The following TRUB2 variants were observed in gnomAD, a reference collection of about 807,000 sequenced individuals.
TRUB2 encodes TruB pseudouridine synthase family member 2.
TRUB2 carries 31 observed loss-of-function variants against 31.9 expected under a neutral mutation model. The ratio of observed to expected loss-of-function variants is 0.97; its 90% confidence interval spans 0.73 to 1.31. TRUB2 has a LOEUF of 1.31. Among genes scored for constraint, TRUB2 ranks in the 50% most tolerant of loss-of-function variants. The pLI, the probability that TRUB2 is intolerant of heterozygous loss-of-function variation, is 0.00. For missense variants in TRUB2, 451 were observed against 439.6 expected (o/e 1.03, Z -0.23); for synonymous variants, 201 against 182.6 (o/e 1.10, Z -0.81).
chr9:128,322,337 CT>C lies in TRUB2; in HGVS notation c.71del (p.Lys24SerfsTer12). On this transcript the variant is annotated frameshift_variant, in exon 1 of 8. Transcript: ENST00000372890. LOFTEE classifies it high-confidence loss of function. ...GTAGCTCCACTGTATCCCGCAGGTG[CT>C]TCCATTTTAGCCCCGGGGGCTTATA... is the stretch of plus-strand genomic sequence containing the variant. ...AVYKPPGLKW[K>X]HLRDTVELQL... The C allele has an allele frequency of 6.2e-7, 1 of 1,614,164 alleles. No individual in the cohort carries two copies. Among genetic ancestry groups the C allele is most frequent in the South Asian group, 1.1e-5 (1 of 91,080 alleles).
intron 2 of TRUB2, 135 bp downstream of exon 2, chr9:128,321,464 C>T: frequency 6.8e-7 from 1 of 1,466,770 alleles, no homozygotes; most frequent in Non-Finnish European, 9.2e-7. Context: ...GGAAATCTGC[C>T]AATTCCTGGT....
In TRUB2 at chr9:128,310,988, T is replaced by TA. The variant is rs1279249378; in HGVS notation, c.568dup (p.Tyr190LeufsTer2). On this transcript the variant is annotated frameshift_variant, in exon 7 of 8. Transcript: ENST00000372890. LOFTEE classifies it high-confidence loss of function. ...GATCAGGCCTCTCACGGCCATCTCA[T>TA]AGGCCTCCTGGGTCTTCAGGTCGAG... 1 of 1,614,206 alleles carries TA rather than the reference T, an allele frequency of 6.2e-7. No individual in the cohort carries two copies. The highest frequency in any genetic ancestry group is 8.5e-7 in the Non-Finnish European group (1 of 1,180,028).
chr9:128,322,349 C>A lies in TRUB2; in HGVS notation c.60G>T (p.Gly20=), dbSNP rs11539570. The change falls in exon 1 of 8, where the codon GGG becomes GGT. Residue 20 remains glycine (G), a synonymous_variant. Coordinates refer to ENST00000372890, the MANE Select transcript of TRUB2 (RefSeq NM_015679.3). The part of the protein sequence containing the change: ...HGLFAVYKPP[G]LKWKHLRDTV... The stretch of plus-strand genomic sequence containing the variant: ...TATCCCGCAGGTGCTTCCATTTTAG[C>A]CCCGGGGGCTTATAGACCGCGAAAA... 24,266 of 1,614,160 alleles carry A rather than the reference C, an allele frequency of 0.015. 216 individuals carry two copies. The highest frequency in any genetic ancestry group is 0.021 in the South Asian group (1,883 of 91,076).
intron 2 of TRUB2, among the ~76,000 whole-genome samples, chr9:128,318,513 G>T (rs547921254): frequency 2.9e-4 from 43 of 149,196 alleles, no homozygotes; most frequent in Admixed American, 6.7e-4. Flanking sequence ...TTTTTTTTTT[G>T]TGTGTGTGTG....
At position 128,305,897 on chromosome 9, in the gene TRUB2, T is replaced by C. The variant is rs925331431; in HGVS notation, c.*3653A>G. The C allele has an allele frequency of 2.0e-5, 3 of 152,010 alleles. 1 individual carries two copies. Among genetic ancestry groups the C allele is most frequent in the South Asian group, 4.2e-4 (2 of 4,812 alleles). The allele number at this position is 152,010 out of a possible 1,614,324, so 9.4% of individuals were successfully genotyped here. On this transcript the variant is annotated 3_prime_UTR_variant, in exon 8 of 8. Transcript: ENST00000372890. The stretch of plus-strand genomic sequence containing the variant: ...GTTTTTTGTAGAGACAGGGTCTCCT[T>C]GTGTTGCCCAGGCTGGTCTCAAACT...
Position 128,315,745 on chromosome 9 carries a change from A to G in TRUB2, c.317-117T>C, listed in dbSNP as rs920195237. 253 of 1,205,082 alleles carry G rather than the reference A, an allele frequency of 2.1e-4. 2 individuals carry two copies. The highest frequency in any genetic ancestry group is 2.8e-4 in the Non-Finnish European group (231 of 838,568). The allele number at this position is 1,205,082 out of a possible 1,614,324, so 74.6% of individuals were successfully genotyped here. On this transcript the variant is annotated intron_variant, in intron 3 of 7. Transcript: ENST00000372890. ...TTTTCTGATGCTGCCAAAGGCAACA[A>G]GAAGGCAAAAAGATCTTCTACAGGG... is the stretch of plus-strand genomic sequence containing the variant.
In TRUB2 at chr9:128,314,489, T is replaced by C. The variant is rs2994345; in HGVS notation, c.379-600A>G. On this transcript the variant is annotated intron_variant, in intron 4 of 7. Coordinates refer to ENST00000372890, the MANE Select transcript of TRUB2 (RefSeq NM_015679.3). ...CCATCTGCCACAGATAAGTAATGAT[T>C]GGCTGGATACAGTGACTCACACGTA... Among the ~76,000 whole-genome samples, 670 of 152,152 alleles carry C rather than the reference T, an allele frequency of 4.4e-3. 3 individuals are homozygous for C. Among genetic ancestry groups the C allele is most frequent in the Admixed American group, 6.6e-3 (101 of 15,262 alleles).
Position 128,309,273 on chromosome 9 carries a change from T to C in TRUB2, c.*277A>G, listed in dbSNP as rs1383498149. The C allele has an allele frequency of 2.3e-6, 1 of 429,562 alleles. No homozygotes were observed. Among genetic ancestry groups the C allele is most frequent in the African/African-American group, 2.0e-5 (1 of 50,598 alleles). 26.6% of individuals were successfully genotyped at this position (429,562 alleles called of 1,614,324 possible). On this transcript the variant is annotated 3_prime_UTR_variant, in exon 8 of 8. Coordinates refer to ENST00000372890, the MANE Select transcript of TRUB2 (RefSeq NM_015679.3). ...AACTCCTGGGCTCAAGCAATTCTCCTGCCTCAGCCTTGGGAGTAGCTGGGA... is the reference window on the plus strand; with the variant it reads ...AACTCCTGGGCTCAAGCAATTCTCCCGCCTCAGCCTTGGGAGTAGCTGGGA...
chr9:128,321,750 A>G lies in TRUB2; in HGVS notation c.110-20T>C, dbSNP rs1323039950. 1.2e-6 allele frequency: 2 copies of G among 1,608,438 alleles called. No individual in the cohort carries two copies. The highest frequency in any genetic ancestry group is 1.7e-6 in the Non-Finnish European group (2 of 1,177,404). ...TGAGACCTGAACACACAGAGATAATATATACACACATACATACAAATATAT... is the reference window on the plus strand; with the variant it reads ...TGAGACCTGAACACACAGAGATAATGTATACACACATACATACAAATATAT... On this transcript the variant is annotated intron_variant, in intron 1 of 7. Coordinates refer to ENST00000372890, the MANE Select transcript of TRUB2 (RefSeq NM_015679.3).
intron 5 of TRUB2, among the ~76,000 whole-genome samples, chr9:128,313,390 G>T (rs1000053586): frequency 2.7e-5 from 4 of 149,370 alleles, no homozygotes; most frequent in Admixed American, 2.7e-4. Flanking sequence ...AAAAAAAAAA[G>T]CCGGGCGTGG....
intron 7 of TRUB2, 35 bp downstream of exon 7, chr9:128,310,852 C>T: frequency 6.2e-7 from 1 of 1,612,908 alleles, no homozygotes; most frequent in South Asian, 1.1e-5. Flanking sequence ...CCTACGGGTC[C>T]CATCTCACTG....
rs776361401 is a variant in TRUB2, at chr9:128,305,996, C to T, written c.*3554G>A. 2.0e-5 allele frequency: 3 copies of T among 152,204 alleles called. No individual in the cohort carries two copies. Among genetic ancestry groups the T allele is most frequent in the African/African-American group, 7.2e-5 (3 of 41,440 alleles). 9.4% of individuals were successfully genotyped at this position (152,204 alleles called of 1,614,324 possible). ...TACAGGCATGAGCCGCCACACCCAG[C>T]AGAATTTTAATTTAAAAGCTCAGCT... On this transcript the variant is annotated 3_prime_UTR_variant, in exon 8 of 8. Coordinates refer to ENST00000372890, the MANE Select transcript of TRUB2 (RefSeq NM_015679.3).
intron 2 of TRUB2, among the ~76,000 whole-genome samples, chr9:128,320,474 A>G (rs1295538219): frequency 1.3e-5 from 2 of 151,948 alleles, no homozygotes; most frequent in African/African-American, 4.8e-5. Flanking sequence ...CTGGGATTAT[A>G]GGCATGTGCC....
In TRUB2 at chr9:128,316,395, GA is replaced by G. The variant is rs113735138; in HGVS notation, c.316+756del. On this transcript the variant is annotated intron_variant, in intron 3 of 7. Coordinates refer to ENST00000372890, the MANE Select transcript of TRUB2 (RefSeq NM_015679.3). The stretch of plus-strand genomic sequence containing the variant: ...GAGACAGAGCAAGACTCTGTCTCAG[GA>G]AAAAAAAAAAATACTGATTCCTGTG... 364 of 144,248 alleles carry G rather than the reference GA, an allele frequency of 2.5e-3. 1 individual carries two copies. Among genetic ancestry groups the G allele is most frequent in the African/African-American group, 5.1e-3 (203 of 39,564 alleles). 8.9% of individuals were successfully genotyped at this position (144,248 alleles called of 1,614,324 possible). A position where few individuals can be genotyped will look rare whatever the true frequency, so the allele number is the denominator to read the frequency against.
In TRUB2 at chr9:128,322,314, A is replaced by G; in HGVS notation, c.95T>C (p.Leu32Pro). 1 of 1,614,054 alleles carries G rather than the reference A, an allele frequency of 6.2e-7. No homozygotes were observed. Among genetic ancestry groups the G allele is most frequent in the Non-Finnish European group, 8.5e-7 (1 of 1,179,920 alleles). The change falls in exon 1 of 8, where the codon CTA (leucine) becomes CCA (proline). Residue 32 changes from leucine (L) to proline (P), a missense_variant. By Grantham distance (98) the Leu-to-Pro change is moderately conservative. Coordinates refer to ENST00000372890, the MANE Select transcript of TRUB2 (RefSeq NM_015679.3). ...GAGGCACTCACCCTTCAGAAGTTGT[A>G]GCTCCACTGTATCCCGCAGGTGCTT... ...KWKHLRDTVE[L>P]QLLKGLNARK...
intron 2 of TRUB2, 145 bp downstream of exon 2, chr9:128,321,454 G>C: frequency 7.0e-7 from 1 of 1,421,744 alleles, no homozygotes; most frequent in Non-Finnish European, 9.5e-7. Context: ...CCCTTTCCAA[G>C]GAAATCTGCC....
chr9:128,311,418 G>C, intron 6 of TRUB2, 111 bp downstream of exon 6: 1 of 1,122,480 alleles, frequency 8.9e-7, no homozygotes, highest in East Asian at 2.4e-5. Flanking sequence ...CTCCCGTCTG[G>C]TTCTGGGCTC....
At chr9:128,318,582 G>C (rs1456865632) in intron 2 of TRUB2, among the ~76,000 whole-genome samples, 17 of 151,850 alleles carry the variant, frequency 1.1e-4, no homozygotes, top group Admixed American at 1.1e-3. Flanking sequence ...ACCCAGGCTG[G>C]AGTGCAGTGG....
intron 4 of TRUB2, among the ~76,000 whole-genome samples, chr9:128,314,897 T>A (rs1832040990): frequency 6.6e-6 from 1 of 152,050 alleles, no homozygotes; most frequent in Non-Finnish European, 1.5e-5. Context: ...ATTTTACAGA[T>A]GAGGAAACTG....
Sources: allele counts gnomAD v4.1 joint callset (sites outside exome capture counted in the v4.1 genomes callset), GRCh38; gene constraint gnomAD v4.1.1; transcripts MANE v1.5; gene names NCBI Gene and HGNC (gene_info 2026-07-23, HGNC 2026-07-21).